Variants in GPC5 observed in about 807,000 individuals in gnomAD.
GPC5 encodes the protein glypican 5.
Under a neutral mutation model 53.9 loss-of-function variants are expected in GPC5, and 47 were observed. That is an observed-to-expected ratio of 0.87 (90% confidence interval 0.69 to 1.11). The LOEUF is 1.11. Ranked by LOEUF, GPC5 falls within the 50% of genes most tolerant of loss-of-function variation. GPC5 has a pLI of 0.00. For synonymous variants in GPC5, 286 were observed against 263.3 expected, an observed-to-expected ratio of 1.09 and a Z score of -0.84; for missense variants, 748 against 713.1, an observed-to-expected ratio of 1.05 and a Z score of -0.56.
intron 2 of GPC5, among the ~76,000 whole-genome samples, chr13:91,666,116 C>G (rs925221019): frequency 2.6e-5 from 4 of 152,176 alleles, no homozygotes; most frequent in African/African-American, 4.8e-5. Context: ...AATCCTGAGT[C>G]CATCTTCTAT....
At position 91,907,941 on chromosome 13, in the gene GPC5, A is replaced by C; in HGVS notation, c.1285A>C (p.Thr429Pro). 1 of 1,594,886 alleles carries C rather than the reference A, an allele frequency of 6.3e-7. No individual in the cohort carries two copies. Among genetic ancestry groups the C allele is most frequent in the East Asian group, 2.2e-5 (1 of 44,706 alleles). ...WNGEDIVKSYTQRVVGNGIKA... is the reference protein window; with the variant it reads ...WNGEDIVKSYPQRVVGNGIKA... ...CTTTCACATTTCCCTTGCTAGTTAT[A>C]CTCAGCGTGTGGTTGGAAATGGAAT... The change falls in exon 6 of 8, where the codon ACT becomes CCT. Residue 429 changes from threonine (T) to proline (P), a missense_variant. By Grantham distance (38) the Thr-to-Pro change is conservative. Transcript: ENST00000377067.
intron 3 of GPC5, among the ~76,000 whole-genome samples, chr13:91,715,727 T>C (rs1261378219): frequency 6.6e-6 from 1 of 151,772 alleles, no homozygotes; most frequent in Non-Finnish European, 1.5e-5. Context: ...AGTTTTTTGT[T>C]CATAAATTAT....
intron 7 of GPC5, among the ~76,000 whole-genome samples, chr13:92,466,439 T>C (rs1230986165): frequency 2.0e-5 from 3 of 151,996 alleles, no homozygotes; most frequent in Non-Finnish European, 2.9e-5. Flanking sequence ...TCAGAGACAT[T>C]TTTTCATTCA....
At chr13:91,917,973 G>A (rs184843682) in intron 6 of GPC5, among the ~76,000 whole-genome samples, 3 of 152,154 alleles carry the variant, frequency 2.0e-5, no homozygotes, top group East Asian at 1.9e-4. Context: ...CACTACCTTG[G>A]TACCAATTTT....
chr13:92,551,354 C>T (rs1049076731), intron 7 of GPC5, among the ~76,000 whole-genome samples: 6 of 151,106 alleles, frequency 4.0e-5, no homozygotes, highest in Non-Finnish European at 8.9e-5. Context: ...TCAAAAGTCT[C>T]CTTAAATTTG....
chr13:92,650,607 C>A (rs781441777), intron 7 of GPC5, among the ~76,000 whole-genome samples: 24 of 152,042 alleles, frequency 1.6e-4, no homozygotes, highest in Non-Finnish European at 3.2e-4. Flanking sequence ...AATAGTAGAG[C>A]TCATGCTTGA....
chr13:92,378,878 T>C (rs1382932068), intron 7 of GPC5, among the ~76,000 whole-genome samples: 2 of 152,206 alleles, frequency 1.3e-5, no homozygotes, highest in East Asian at 3.9e-4. Flanking sequence ...TTCTTAAAGG[T>C]TTTTACTTGA....
intron 7 of GPC5, among the ~76,000 whole-genome samples, chr13:92,158,072 C>T (rs1374101677): frequency 6.6e-6 from 1 of 152,092 alleles, no homozygotes; most frequent in African/African-American, 2.4e-5. Flanking sequence ...GAAATTATAG[C>T]TGAGCTGGGT....
At chr13:91,992,418 T>A (rs984399665) in intron 6 of GPC5, among the ~76,000 whole-genome samples, 23 of 151,992 alleles carry the variant, frequency 1.5e-4, no homozygotes, top group African/African-American at 5.1e-4. Flanking sequence ...ATGAAAAAAA[T>A]TTAGAAATTT....
intron 7 of GPC5, among the ~76,000 whole-genome samples, chr13:92,404,238 T>C (rs1366840564): frequency 6.6e-6 from 1 of 152,206 alleles, no homozygotes; most frequent in Non-Finnish European, 1.5e-5. Flanking sequence ...TTTTTACTCA[T>C]GTTTTCTGAT....
chr13:92,023,139 G>T (rs1045435684), intron 6 of GPC5, among the ~76,000 whole-genome samples: 4 of 152,006 alleles, frequency 2.6e-5, no homozygotes, highest in African/African-American at 7.2e-5. Context: ...AGTTTTCCAA[G>T]AAATTTTCAT....
intron 7 of GPC5, among the ~76,000 whole-genome samples, chr13:92,301,972 A>T (rs2043078850): frequency 6.6e-6 from 1 of 152,182 alleles, no homozygotes; most frequent in African/African-American, 2.4e-5. Context: ...ATAGAATTAT[A>T]TGAGTCCAAG....
chr13:92,395,294 C>G (rs772055826), intron 7 of GPC5, among the ~76,000 whole-genome samples: 11 of 152,076 alleles, frequency 7.2e-5, no homozygotes, highest in Non-Finnish European at 1.3e-4. Flanking sequence ...TTGTCCTAGA[C>G]TTTCCGATAT....
chr13:91,912,486 G>A (rs2039618693), intron 6 of GPC5, among the ~76,000 whole-genome samples: 1 of 152,000 alleles, frequency 6.6e-6, no homozygotes, highest in Non-Finnish European at 1.5e-5. Context: ...ACAAGAGAAG[G>A]CATCTAGGCT....
chr13:92,282,189 T>A (rs1160356099), intron 7 of GPC5, among the ~76,000 whole-genome samples: 1 of 151,878 alleles, frequency 6.6e-6, no homozygotes, highest in Non-Finnish European at 1.5e-5. Flanking sequence ...AGAAGAGAAG[T>A]TTAGAGAAAA....
intron 2 of GPC5, among the ~76,000 whole-genome samples, chr13:91,598,785 C>T (rs1422599732): frequency 1.3e-5 from 2 of 151,982 alleles, no homozygotes; most frequent in African/African-American, 4.8e-5. Context: ...AATAGTGCCC[C>T]CTCCTCATCT....
At chr13:91,958,523 T>C (rs1452447874) in intron 6 of GPC5, among the ~76,000 whole-genome samples, 1 of 151,988 alleles carries the variant, frequency 6.6e-6, no homozygotes, top group East Asian at 1.9e-4. Context: ...CATTTTAAAC[T>C]TCATGGACCT....
intron 7 of GPC5, among the ~76,000 whole-genome samples, chr13:92,183,350 G>A (rs1412958664): frequency 6.6e-6 from 1 of 151,656 alleles, no homozygotes; most frequent in East Asian, 1.9e-4. Context: ...ATAGGTGGGT[G>A]AGGTCAGCTG....
chr13:92,859,032 T>C (rs1879097868), intron 7 of GPC5, among the ~76,000 whole-genome samples: 1 of 152,070 alleles, frequency 6.6e-6, no homozygotes, highest in Non-Finnish European at 1.5e-5. Flanking sequence ...TTGAGGCCAG[T>C]AGTTCAAGAC....
Sources: gnomAD v4.1 joint callset for allele counts (sites outside exome capture counted in the v4.1 genomes callset) on GRCh38, gnomAD v4.1.1 for gene constraint, MANE v1.5 for transcripts, NCBI Gene and HGNC (gene_info 2026-07-23, HGNC 2026-07-21) for gene names.